The following RUNX1 variants were observed in gnomAD, a reference collection of about 807,000 sequenced individuals.
The protein encoded by RUNX1 is runt-related transcription factor 1.
Under a neutral mutation model 42.8 loss-of-function variants are expected in RUNX1, and 19 were observed. The ratio of observed to expected loss-of-function variants is 0.44; its 90% CI spans 0.31 to 0.65. The LOEUF (loss-of-function observed/expected upper bound fraction) is 0.65. RUNX1 is among the 30% of genes least tolerant of loss of function. The pLI is 0.07. For missense variants in RUNX1, 528 were observed against 672.0 expected, an observed-to-expected ratio of 0.79 and a Z score of 2.37; for synonymous variants, 271 against 289.4, an observed-to-expected ratio of 0.94 and a Z score of 0.64.
intron 6 of RUNX1, among the ~76,000 whole-genome samples, chr21:34,853,009 G>A (rs573369663): frequency 3.9e-5 from 6 of 152,300 alleles, no homozygotes; most frequent in East Asian, 1.9e-4. Flanking sequence ...CTGTGCACAC[G>A]GGCCCTCCAC....
intron 5 of RUNX1, among the ~76,000 whole-genome samples, chr21:34,860,892 C>G (rs1283915257): frequency 1.3e-5 from 2 of 152,184 alleles, no homozygotes; most frequent in African/African-American, 2.4e-5. Context: ...CCACCGAACA[C>G]TCCCCAAAGA....
At chr21:34,964,018 T>C (rs565127504) in intron 2 of RUNX1, among the ~76,000 whole-genome samples, 10 of 152,308 alleles carry the variant, frequency 6.6e-5, no homozygotes, top group African/African-American at 2.4e-4. Context: ...ATTCCAGGTT[T>C]TACCCCTGTA....
chr21:35,027,164 G>A (rs1449086188), intron 2 of RUNX1, among the ~76,000 whole-genome samples: 1 of 152,210 alleles, frequency 6.6e-6, no homozygotes, highest in Non-Finnish European at 1.5e-5. Flanking sequence ...AGGGGGTGAA[G>A]CCCGCACCCT....
chr21:34,830,464 G>C (rs1011889934), intron 7 of RUNX1, among the ~76,000 whole-genome samples: 3 of 152,152 alleles, frequency 2.0e-5, no homozygotes, highest in African/African-American at 7.2e-5. Flanking sequence ...AATTATAATA[G>C]AACATGTTCA....
At chr21:34,957,057 GAA>G (rs1344991414) in intron 2 of RUNX1, among the ~76,000 whole-genome samples, 1 of 152,160 alleles carries the variant, frequency 6.6e-6, no homozygotes, top group Non-Finnish European at 1.5e-5. Context: ...TGATGCCAGG[GAA>G]AGGTGACACA....
intron 2 of RUNX1, among the ~76,000 whole-genome samples, chr21:34,962,159 T>C (rs9975428): frequency 0.46 from 69,473 of 152,076 alleles, 16,216 homozygotes; most frequent in East Asian, 0.57. Context: ...TCCCAAAGTG[T>C]TGAGATTATA....
intron 2 of RUNX1, among the ~76,000 whole-genome samples, chr21:35,042,729 C>T (rs1380935373): frequency 6.6e-6 from 1 of 152,182 alleles, no homozygotes; most frequent in Non-Finnish European, 1.5e-5. Context: ...GAGTGTCCTG[C>T]ACCCCACCGT....
intron 6 of RUNX1, among the ~76,000 whole-genome samples, chr21:34,855,152 C>G (rs1194112128): frequency 6.6e-6 from 1 of 152,078 alleles, no homozygotes; most frequent in Admixed American, 6.5e-5. Flanking sequence ...TAAAGGCTGC[C>G]CAATCCATAC....
intron 7 of RUNX1, among the ~76,000 whole-genome samples, chr21:34,830,472 T>TC (rs1167926959): frequency 6.6e-6 from 1 of 152,216 alleles, no homozygotes; most frequent in South Asian, 2.1e-4. Flanking sequence ...TAGAACATGT[T>TC]CAATACAAGA....
chr21:35,045,503 C>T lies in RUNX1; in HGVS notation c.58+3339G>A, dbSNP rs905398624. ...GCCCCAATACAATGCAATTGGTATC[C>T]TTATAAGAAGAGATTAGGATACAGA... On this transcript the variant is annotated intron_variant, in intron 2 of 8. Coordinates refer to ENST00000675419, the MANE Select transcript of RUNX1 (RefSeq NM_001754.5). Among the ~76,000 whole-genome samples, 3 of 152,042 alleles carry T rather than the reference C, an allele frequency of 2.0e-5. No homozygotes were observed. In the East Asian group the frequency reaches 5.8e-4, roughly 29 times the overall value.
At chr21:34,874,055 A>G (rs2834657) in intron 5 of RUNX1, among the ~76,000 whole-genome samples, 2 of 151,916 alleles carry the variant, frequency 1.3e-5, no homozygotes, top group Admixed American at 1.3e-4. Context: ...AGATGTTATT[A>G]GCATGAATTT....
intron 5 of RUNX1, 85 bp from the exon 6 acceptor site, chr21:34,859,663 G>T: frequency 8.8e-7 from 1 of 1,134,336 alleles, no homozygotes; most frequent in Non-Finnish European, 1.3e-6. Flanking sequence ...AATTTATGCT[G>T]TCCAGCCCTT....
In RUNX1 at chr21:34,840,358, G is replaced by C. The variant is rs140506086; in HGVS notation, c.614-5757C>G. On this transcript the variant is annotated intron_variant, in intron 6 of 8. Transcript: ENST00000675419. ...ACGTGAATGCTAGAGTAGGCGTTAAGAATTCTCCATTCTAAATCTGCTTTT... is the reference window on the plus strand; with the variant it reads ...ACGTGAATGCTAGAGTAGGCGTTAACAATTCTCCATTCTAAATCTGCTTTT... 4.9e-4 allele frequency among the ~76,000 whole-genome samples: 75 copies of C among 152,302 alleles called. No homozygotes were observed. In the East Asian group the frequency reaches 0.013, roughly 27 times the overall value.
chr21:35,023,980 C>G (rs1307223334), intron 2 of RUNX1, among the ~76,000 whole-genome samples: 1 of 149,806 alleles, frequency 6.7e-6, no homozygotes, highest in Non-Finnish European at 1.5e-5. Flanking sequence ...ATACTATATA[C>G]TAATTATAAA....
rs545029299 is a variant in RUNX1, at chr21:35,004,674, C to A, written c.58+44168G>T. On this transcript the variant is annotated intron_variant, in intron 2 of 8. Coordinates refer to ENST00000675419, the MANE Select transcript of RUNX1 (RefSeq NM_001754.5). ...CAGGACCTTACCTGATTCTACCCCACTTCTAATGCTTCTGTACCTGAAGAT... is the reference window on the plus strand; with the variant it reads ...CAGGACCTTACCTGATTCTACCCCAATTCTAATGCTTCTGTACCTGAAGAT... Among the ~76,000 whole-genome samples, 4 of 152,336 alleles carry A rather than the reference C, an allele frequency of 2.6e-5. No individual in the cohort carries two copies. The East Asian group carries it at 7.7e-4, about 29-fold the overall frequency.
chr21:34,839,766 G>A (rs1037202858), intron 6 of RUNX1, among the ~76,000 whole-genome samples: 2 of 152,198 alleles, frequency 1.3e-5, no homozygotes, highest in African/African-American at 4.8e-5. Context: ...GATACAGGGA[G>A]CACGCTGGGA....
chr21:34,824,814 C>T (rs1002017933), intron 7 of RUNX1, among the ~76,000 whole-genome samples: 13 of 152,160 alleles, frequency 8.5e-5, no homozygotes, highest in Admixed American at 8.5e-4. Context: ...TAACTGAATT[C>T]GAGTGGGCCT....
chr21:35,040,759 G>A (rs2059351642), intron 2 of RUNX1, among the ~76,000 whole-genome samples: 1 of 113,766 alleles, frequency 8.8e-6, no homozygotes, highest in Admixed American at 1.1e-4. Flanking sequence ...GACAGAGCTA[G>A]TAGACTCCAT....
Position 35,046,335 on chromosome 21 carries a change from G to A in RUNX1, c.58+2507C>T, listed in dbSNP as rs574139541. ...CTCTCTTTCCCCCCAATTTCCACAT[G>A]GGTATCTGGCTAAAAATGAGTTACA... is the stretch of plus-strand genomic sequence containing the variant. On this transcript the variant is annotated intron_variant, in intron 2 of 8. Coordinates refer to ENST00000675419, the MANE Select transcript of RUNX1 (RefSeq NM_001754.5). 7.9e-4 allele frequency among the ~76,000 whole-genome samples: 120 copies of A among 152,310 alleles called. 1 individual carries two copies. Among genetic ancestry groups the A allele is most frequent in the Non-Finnish European group, 1.3e-3 (89 of 68,024 alleles).
Sources: allele counts gnomAD v4.1 joint callset (sites outside exome capture counted in the v4.1 genomes callset), GRCh38; gene constraint gnomAD v4.1.1; transcripts MANE v1.5; gene names NCBI Gene and HGNC (gene_info 2026-07-23, HGNC 2026-07-21).